Variants in FAM193B observed in about 807,000 individuals in gnomAD.
FAM193B encodes the protein protein FAM193B.
Under a neutral mutation model 70.7 loss-of-function variants are expected in FAM193B, and 27 were observed. The observed-to-expected ratio is 0.38, with a 90% CI of 0.28 to 0.53. The LOEUF is 0.53. FAM193B is among the 20% of genes least tolerant of loss of function. The pLI, the probability that FAM193B is intolerant of heterozygous loss-of-function variation, is 0.81. For synonymous variants in FAM193B, 448 were observed against 436.0 expected, an observed-to-expected ratio of 1.03 and a Z score of -0.34; for missense variants, 1,022 against 1,072.5, an observed-to-expected ratio of 0.95 and a Z score of 0.66.
At chr5:177,526,191 G>C (rs908198398) in intron 5 of FAM193B, among the ~76,000 whole-genome samples, 1 of 152,206 alleles carries the variant, frequency 6.6e-6, no homozygotes, top group Non-Finnish European at 1.5e-5. Flanking sequence ...TGTGAACCCT[G>C]GCTCCACAAT....
At chr5:177,523,881 A>T (rs1291879511) in intron 7 of FAM193B, 76 bp downstream of exon 7, 3 of 1,530,418 alleles carry the variant, frequency 2.0e-6, no homozygotes, top group Non-Finnish European at 2.7e-6. Context: ...CTGAGGCTTG[A>T]GGCACAACAC....
chr5:177,539,345 A>AT, intron 1 of FAM193B, 198 bp from the exon 2 acceptor site: 1 of 654,630 alleles, frequency 1.5e-6, no homozygotes, highest in South Asian at 2.4e-5. Context: ...GAAGAAACAG[A>AT]TTTCAAGAAG....
chr5:177,531,367 A>T (rs756558813), intron 5 of FAM193B: 1 of 1,361,076 alleles, frequency 7.3e-7, no homozygotes, highest in Non-Finnish European at 9.8e-7. Flanking sequence ...GAATTCCAGC[A>T]GCTCATCCAC....
At chr5:177,550,736 T>A (rs1766106403) in intron 1 of FAM193B, among the ~76,000 whole-genome samples, 1 of 152,194 alleles carries the variant, frequency 6.6e-6, no homozygotes, top group South Asian at 2.1e-4. Flanking sequence ...ACACTCAGGC[T>A]TTGTATGGCC....
At chr5:177,523,426 C>A (rs1210221073) in intron 7 of FAM193B, 3 of 222,292 alleles carry the variant, frequency 1.3e-5, no homozygotes, top group Non-Finnish European at 2.9e-5. Flanking sequence ...GTTTCTTTCA[C>A]CCTAATCTTT....
chr5:177,520,284 GGCT>G (rs1423453763), intron 8 of FAM193B, 103 bp from the exon 9 acceptor site: 1 of 152,252 alleles, frequency 6.6e-6, no homozygotes, highest in Non-Finnish European at 1.5e-5. Flanking sequence ...AGAAACAGCT[GGCT>G]GCTATTTTTG....
chr5:177,524,284 C>T lies in FAM193B; in HGVS notation c.2197G>A (p.Val733Met). The T allele has an allele frequency of 6.3e-7, 1 of 1,583,126 alleles. No homozygotes were observed. Among genetic ancestry groups the T allele is most frequent in the African/African-American group, 1.3e-5 (1 of 74,220 alleles). ...AKARPQEQES[V>M]QPSGPARPQS... The stretch of plus-strand genomic sequence containing the variant: ...GGCCTTGCTGGGCCTGAGGGCTGCA[C>T]AGACTCCTGCTCCTGAGGCCGTGCC... The change falls in exon 6 of 9, where the codon GTG (valine) becomes ATG (methionine). Residue 733 changes from valine to methionine, a missense_variant. Physicochemically the swap from Val to Met is conservative, Grantham distance 21 (BLOSUM62 1). Transcript: ENST00000514747.
chr5:177,549,997 A>C (rs1765992835), intron 1 of FAM193B, among the ~76,000 whole-genome samples: 1 of 152,230 alleles, frequency 6.6e-6, no homozygotes, highest in South Asian at 2.1e-4. Flanking sequence ...TGTTAGGATC[A>C]TCCATCTGAT....
Position 177,536,414 on chromosome 5 carries a change from G to A in FAM193B, c.1020C>T (p.His340=). The part of the protein sequence containing the change: ...SHPCSGHCGG[H]CSGPLLPPPS... ...GGGGTGGGAGGAGAGGCCCACTGCA[G>A]TGCCCACCACAGTGCCCGCTGCAGG... The change falls in exon 4 of 9, where the codon CAC becomes CAT. Residue 340 remains histidine, a synonymous_variant. Transcript: ENST00000514747. 6.2e-7 allele frequency: 1 copy of A among 1,608,264 alleles called. No individual in the cohort carries two copies. Among genetic ancestry groups the A allele is most frequent in the Non-Finnish European group, 8.5e-7 (1 of 1,178,268 alleles).
Position 177,536,719 on chromosome 5 carries a change from G to A in FAM193B, c.715C>T (p.His239Tyr), listed in dbSNP as rs1764222819. 6.4e-7 allele frequency: 1 copy of A among 1,560,088 alleles called. No individual in the cohort carries two copies. The highest frequency in any genetic ancestry group is 8.7e-7 in the Non-Finnish European group (1 of 1,153,872). The change falls in exon 4 of 9, where the codon CAC (histidine) becomes TAC (tyrosine). Residue 239 changes from histidine to tyrosine, a missense_variant. Physicochemically the swap from His to Tyr is moderately conservative, Grantham distance 83. Transcript: ENST00000514747. ...PGEAFPVSEH[H>Y]QHSDLTAPPN... The stretch of plus-strand genomic sequence containing the variant: ...GGAGCAGTGAGGTCTGAGTGCTGGT[G>A]GTGCTCCGAGACGGGGAAAGCCTCA...
intron 3 of FAM193B, among the ~76,000 whole-genome samples, chr5:177,536,971 C>T (rs1764249941): frequency 6.6e-6 from 1 of 152,320 alleles, no homozygotes; most frequent in Non-Finnish European, 1.5e-5. Context: ...TGATTCCACA[C>T]AAGGCCCCAT....
At chr5:177,541,661 C>T (rs865814366) in intron 1 of FAM193B, among the ~76,000 whole-genome samples, 2 of 152,110 alleles carry the variant, frequency 1.3e-5, no homozygotes, top group African/African-American at 4.8e-5. Flanking sequence ...CCTCGTGATC[C>T]GCCCGCCTCG....
chr5:177,526,626 A>G (rs1414082447), intron 5 of FAM193B, among the ~76,000 whole-genome samples: 4 of 152,156 alleles, frequency 2.6e-5, no homozygotes, highest in African/African-American at 9.7e-5. Context: ...AGAAACACAC[A>G]CTTTCTGCTC....
At chr5:177,520,410 A>G (rs1439337586) in intron 8 of FAM193B, among the ~76,000 whole-genome samples, 1 of 152,246 alleles carries the variant, frequency 6.6e-6, no homozygotes, top group Non-Finnish European at 1.5e-5. Context: ...GTGGGGGACA[A>G]TCCTTGAGTA....
rs571687616 is a variant in FAM193B, at chr5:177,528,545, C to T, written c.1276-3340G>A. On this transcript the variant is annotated intron_variant, in intron 5 of 8. Coordinates refer to ENST00000514747, the MANE Select transcript of FAM193B (RefSeq NM_001190946.3). ...CTGGGCTGAGGGGTCAAGAAAGTAC[C>T]GCACAGGCCTTAGGCGGGAAAAGGG... Among the ~76,000 whole-genome samples, 19 of 152,274 alleles carry T rather than the reference C, an allele frequency of 1.2e-4. No homozygotes were observed. In the South Asian group the frequency reaches 3.5e-3, roughly 28 times the overall value.
intron 6 of FAM193B, 32 bp downstream of exon 6, chr5:177,524,153 G>A: frequency 1.3e-6 from 2 of 1,588,304 alleles, no homozygotes; most frequent in Non-Finnish European, 8.6e-7. Flanking sequence ...GCTGGGGTAG[G>A]GGGTCAGCCG....
chr5:177,539,323 ATT>A, intron 1 of FAM193B, 176 bp from the exon 2 acceptor site: 2 of 715,398 alleles, frequency 2.8e-6, no homozygotes, highest in Non-Finnish European at 4.3e-6. Flanking sequence ...TCTTATTCCC[ATT>A]TTTTAAGATG....
At chr5:177,554,198 CG>C in intron 1 of FAM193B, 50 bp downstream of exon 1, 1 of 1,479,970 alleles carries the variant, frequency 6.8e-7, no homozygotes, top group Non-Finnish European at 9.0e-7. Context: ...CGCTCCCGCT[CG>C]GGGAAGGTGA....
intron 5 of FAM193B, among the ~76,000 whole-genome samples, chr5:177,528,840 C>T (rs1468392026): frequency 3.3e-5 from 5 of 152,260 alleles, no homozygotes; most frequent in East Asian, 3.9e-4. Context: ...CGGGAGCCCA[C>T]GTGGCTGGCT....
Sources: gnomAD v4.1 joint callset for allele counts (sites outside exome capture counted in the v4.1 genomes callset) on GRCh38, gnomAD v4.1.1 for gene constraint, MANE v1.5 for transcripts, NCBI Gene and HGNC (gene_info 2026-07-23, HGNC 2026-07-21) for gene names.